Variants in SLC24A2 observed in about 807,000 individuals in gnomAD.
The protein encoded by SLC24A2 is solute carrier family 24 member 2.
In SLC24A2, 36 loss-of-function variants were observed where a neutral mutation model predicts 62.0. That is an observed-to-expected ratio of 0.58 (90% CI 0.44 to 0.77). The LOEUF is 0.77. Ranked by LOEUF, SLC24A2 falls within the 30% of genes least tolerant of loss-of-function variation. The pLI is 0.00. For missense variants in SLC24A2, 846 were observed against 817.9 expected (o/e 1.03, Z -0.42); for synonymous variants, 358 against 294.0 (o/e 1.22, Z -2.23).
At chr9:19,580,354 C>T (rs1029077522) in intron 5 of SLC24A2, among the ~76,000 whole-genome samples, 1 of 152,248 alleles carries the variant, frequency 6.6e-6, no homozygotes, top group East Asian at 1.9e-4. Flanking sequence ...CAGAATGTGG[C>T]ACACATGTGT....
the SLC24A2 span, among the ~76,000 whole-genome samples, chr9:19,964,174 C>T: frequency 0.48 from 68,745 of 142,338 alleles, 16,813 homozygotes; most frequent in Non-Finnish European, 0.53. Flanking sequence ...AACAATGAGA[C>T]CACATGGACA....
chr9:19,808,553 T>C, the SLC24A2 span, among the ~76,000 whole-genome samples: 4 of 152,032 alleles, frequency 2.6e-5, no homozygotes, highest in Non-Finnish European at 5.9e-5. This position sits in a 1 kb window ranked among gnomAD's most constrained non-coding sequence, Gnocchi z 4.1. Flanking sequence ...TTAATAGCGG[T>C]TTTGCAAGAT....
At chr9:19,980,428 G>A in the SLC24A2 span, among the ~76,000 whole-genome samples, 1 of 152,178 alleles carries the variant, frequency 6.6e-6, no homozygotes, top group South Asian at 2.1e-4. Flanking sequence ...GCACCATCAA[G>A]TGCAGGGAAG....
chr9:20,019,291 G>GAAAGAAAGAAAGAAAGA, the SLC24A2 span, among the ~76,000 whole-genome samples: 1 of 149,728 alleles, frequency 6.7e-6, no homozygotes, highest in East Asian at 1.9e-4. Flanking sequence ...AAGAAAGAAA[G>GAAAGAAAGAAAGAAAGA]AAAGAAAGAA....
At chr9:19,921,713 A>C in the SLC24A2 span, among the ~76,000 whole-genome samples, 1 of 152,074 alleles carries the variant, frequency 6.6e-6, no homozygotes, top group African/African-American at 2.4e-5. Flanking sequence ...AGGGGGTCTT[A>C]TATTTGCCTA....
chr9:20,041,072 G>T, the SLC24A2 span, among the ~76,000 whole-genome samples: 2 of 152,220 alleles, frequency 1.3e-5, no homozygotes, highest in African/African-American at 4.8e-5. Context: ...AAGAAGCAAT[G>T]TCTAAAAATA....
Position 19,556,362 on chromosome 9 carries a change from G to A in SLC24A2, c.1348-6094C>T, listed in dbSNP as rs139997903. On this transcript the variant is annotated intron_variant, in intron 7 of 10. Coordinates refer to ENST00000341998, the MANE Select transcript of SLC24A2 (RefSeq NM_020344.4). The stretch of plus-strand genomic sequence containing the variant: ...CTCAGAAGCCAGAAAAATATTTCTT[G>A]GAGGCAACCCGGTTTCTTATTTTTT... Among the ~76,000 whole-genome samples, 4 of 152,258 alleles carry A rather than the reference G, an allele frequency of 2.6e-5. No individual in the cohort carries two copies. The East Asian group carries it at 7.7e-4, about 29-fold the overall frequency.
chr9:20,037,512 T>A, the SLC24A2 span, among the ~76,000 whole-genome samples: 1 of 152,186 alleles, frequency 6.6e-6, no homozygotes, highest in African/African-American at 2.4e-5. Flanking sequence ...TGTACAGATA[T>A]CTCCTTCACA....
At chr9:20,051,499 G>T in the SLC24A2 span, among the ~76,000 whole-genome samples, 1 of 151,784 alleles carries the variant, frequency 6.6e-6, no homozygotes, top group Non-Finnish European at 1.5e-5. Context: ...TCATATCATG[G>T]ACATACAGAG....
chr9:20,143,245 G>T, the SLC24A2 span, among the ~76,000 whole-genome samples: 1 of 152,260 alleles, frequency 6.6e-6, no homozygotes, highest in African/African-American at 2.4e-5. Context: ...ATGAGCCTTT[G>T]CCAAGAGCAT....
At chr9:19,904,686 T>C in the SLC24A2 span, among the ~76,000 whole-genome samples, 1 of 151,586 alleles carries the variant, frequency 6.6e-6, no homozygotes, top group African/African-American at 2.4e-5. Flanking sequence ...CTGCATACAT[T>C]GTATGGTTTC....
chr9:20,206,882 G>GC, the SLC24A2 span, among the ~76,000 whole-genome samples: 3 of 3,550 alleles, frequency 8.5e-4, no homozygotes, highest in African/African-American at 1.4e-3. Context: ...AAACTAAGTT[G>GC]GGGGGGGCGG....
intron 2 of SLC24A2, among the ~76,000 whole-genome samples, chr9:19,709,171 C>A (rs1381519342): frequency 2.6e-5 from 4 of 151,920 alleles, no homozygotes; most frequent in Non-Finnish European, 4.4e-5. Context: ...TCATCACTGG[C>A]CATCAGAGAA....
the SLC24A2 span, among the ~76,000 whole-genome samples, chr9:20,176,432 C>G: frequency 1.3e-5 from 2 of 151,906 alleles, no homozygotes; most frequent in African/African-American, 4.8e-5. Context: ...CCTGAAATTT[C>G]CAGTATAAAA....
At chr9:19,833,743 C>T in the SLC24A2 span, among the ~76,000 whole-genome samples, 16 of 152,344 alleles carry the variant, frequency 1.1e-4, no homozygotes, top group East Asian at 1.9e-3. Context: ...TCTCCCAGCA[C>T]GCAGCTTGAG....
chr9:19,893,978 T>A, the SLC24A2 span, among the ~76,000 whole-genome samples: 1 of 152,140 alleles, frequency 6.6e-6, no homozygotes, highest in Non-Finnish European at 1.5e-5. Context: ...TTCTTGGAAG[T>A]GACAAACACT....
chr9:20,200,709 C>T, the SLC24A2 span, among the ~76,000 whole-genome samples: 1 of 152,166 alleles, frequency 6.6e-6, no homozygotes, highest in African/African-American at 2.4e-5. Flanking sequence ...GGTAAATTGG[C>T]CTCTGCCCAG....
chr9:19,665,042 C>T (rs897934273), intron 2 of SLC24A2, among the ~76,000 whole-genome samples: 1 of 152,180 alleles, frequency 6.6e-6, no homozygotes, highest in East Asian at 1.9e-4. Context: ...ACCTCCTCTT[C>T]CTCATAGAAT....
the SLC24A2 span, among the ~76,000 whole-genome samples, chr9:19,834,630 A>T: frequency 6.6e-6 from 1 of 152,210 alleles, no homozygotes; most frequent in South Asian, 2.1e-4. Context: ...GGGAGAATGG[A>T]ACCAAGCTGG....
Sources: allele counts gnomAD v4.1 joint callset (sites outside exome capture counted in the v4.1 genomes callset), GRCh38; gene constraint gnomAD v4.1.1; non-coding constraint Gnocchi (gnomAD v3.1); transcripts MANE v1.5; gene names NCBI Gene and HGNC (gene_info 2026-07-23, HGNC 2026-07-21).